Variants in XDH observed in about 807,000 individuals in gnomAD.
XDH encodes xanthine dehydrogenase/oxidase.
XDH carries 138 observed loss-of-function variants against 156.1 expected under a neutral mutation model. That is an observed-to-expected ratio of 0.88 (90% CI 0.77 to 1.02). XDH has a LOEUF of 1.02. XDH is among the 50% of genes least tolerant of loss of function. XDH has a pLI of 0.00. For missense variants in XDH, 1,849 were observed against 1,684.9 expected (o/e 1.10, Z -1.71); for synonymous variants, 669 against 625.7 (o/e 1.07, Z -1.03).
In XDH at chr2:31,334,604, CAGTA is replaced by C; in HGVS notation, c.*1350_*1353del. On this transcript the variant is annotated 3_prime_UTR_variant, in exon 36 of 36. Coordinates refer to ENST00000379416, the MANE Select transcript of XDH (RefSeq NM_000379.4). The stretch of plus-strand genomic sequence containing the variant: ...TTCATTAGACCCAGGTATCATATGA[CAGTA>C]AGAAAACCAAGCCTTAGATAGCTGC... 1 of 152,100 alleles carries C rather than the reference CAGTA, an allele frequency of 6.6e-6. No individual in the cohort carries two copies. The highest frequency in any genetic ancestry group is 1.5e-5 in the Non-Finnish European group (1 of 68,032). 9.4% of individuals were successfully genotyped at this position (152,100 alleles called of 1,614,324 possible). A position where few individuals can be genotyped will look rare whatever the true frequency, so the allele number is the denominator to read the frequency against.
chr2:31,375,619 T>C lies in XDH; in HGVS notation c.1428-65A>G, dbSNP rs2070294. ...CCCTCCAGACCCCTTTGTGTAGAGC[T>C]GTGTGCCCAGGGCCTCGGAGCTGTA... On this transcript the variant is annotated intron_variant, in intron 14 of 35. Coordinates refer to ENST00000379416, the MANE Select transcript of XDH (RefSeq NM_000379.4). 499,223 of 1,564,502 alleles carry C rather than the reference T, an allele frequency of 0.32. 83,960 individuals carry two copies. The highest frequency in any genetic ancestry group is 0.49 in the Admixed American group (26,571 of 54,072).
In XDH at chr2:31,350,480, A is replaced by G. The variant is rs11680208; in HGVS notation, c.2632-257T>C. Among the ~76,000 whole-genome samples, 112,598 of 150,490 alleles carry G rather than the reference A, an allele frequency of 0.75. 42,184 individuals carry two copies. The highest frequency in any genetic ancestry group is 0.85 in the East Asian group (4,289 of 5,054). ...CAAACTCCTACTCCCTGGTTCAAGC[A>G]ATTCTCCTGCCTCAGCCTCCTGAGT... On this transcript the variant is annotated intron_variant, in intron 24 of 35. Coordinates refer to ENST00000379416, the MANE Select transcript of XDH (RefSeq NM_000379.4).
At chr2:31,383,174 CA>C in intron 10 of XDH, 22 bp from the exon 11 acceptor site, 2 of 1,614,144 alleles carry the variant, frequency 1.2e-6, no homozygotes, top group Non-Finnish European at 1.7e-6. Flanking sequence ...CGTTCGGAAT[CA>C]CAGCAATTCT....
chr2:31,344,660 G>A (rs1450548776), intron 31 of XDH, 24 bp downstream of exon 31: 1 of 1,613,902 alleles, frequency 6.2e-7, no homozygotes, highest in East Asian at 2.2e-5. Flanking sequence ...ACTATGAGCT[G>A]GGCAAGGACA....
intron 24 of XDH, among the ~76,000 whole-genome samples, chr2:31,363,428 C>T (rs986926050): frequency 2.6e-5 from 4 of 152,190 alleles, no homozygotes; most frequent in Admixed American, 6.5e-5. Context: ...GACTACAAGA[C>T]GGAAAGTAGA....
chr2:31,347,122 T>A (rs1436933809), intron 29 of XDH, among the ~76,000 whole-genome samples: 2 of 152,138 alleles, frequency 1.3e-5, no homozygotes, highest in African/African-American at 2.4e-5. Context: ...CAGAGAGGTG[T>A]CTTCTTCCCT....
chr2:31,351,852 T>C lies in XDH; in HGVS notation c.2632-1629A>G, dbSNP rs190515625. ...ACTAGTACATTCTAGCTTCCTGCTATTGAGAAGTCCAATCAATGCCTTTCC... is the reference window on the plus strand; with the variant it reads ...ACTAGTACATTCTAGCTTCCTGCTACTGAGAAGTCCAATCAATGCCTTTCC... On this transcript the variant is annotated intron_variant, in intron 24 of 35. Coordinates refer to ENST00000379416, the MANE Select transcript of XDH (RefSeq NM_000379.4). Among the ~76,000 whole-genome samples the C allele has an allele frequency of 2.3e-3, 354 of 152,382 alleles. 11 individuals are homozygous for C. Among genetic ancestry groups the C allele is most frequent in the Non-Finnish European group, 4.3e-4 (29 of 68,032 alleles).
chr2:31,349,654 A>G, intron 26 of XDH, 32 bp downstream of exon 26: 1 of 1,614,032 alleles, frequency 6.2e-7, no homozygotes, highest in Non-Finnish European at 8.5e-7. Flanking sequence ...GAAACCCAGA[A>G]GAGCAACTGG....
At chr2:31,409,343 A>G (rs1687280578) in intron 1 of XDH, among the ~76,000 whole-genome samples, 1 of 152,194 alleles carries the variant, frequency 6.6e-6, no homozygotes, top group Non-Finnish European at 1.5e-5. Context: ...TGAATACCAC[A>G]TTTTCTATCA....
intron 24 of XDH, among the ~76,000 whole-genome samples, chr2:31,363,105 A>C (rs45501295): frequency 6.6e-6 from 1 of 152,020 alleles, no homozygotes; most frequent in African/African-American, 2.4e-5. Flanking sequence ...TGAAGTCAGG[A>C]GTTCGAGACC....
chr2:31,341,396 T>C lies in XDH; in HGVS notation c.3520-2A>G, dbSNP rs779914939. The C allele has an allele frequency of 1.5e-5, 23 of 1,573,990 alleles. No homozygotes were observed. The highest frequency in any genetic ancestry group is 1.9e-5 in the Non-Finnish European group (22 of 1,156,844). The stretch of plus-strand genomic sequence containing the variant: ...CATGACAATATCTGTGCGGAGGTTC[T>C]AGAGTAGACAGCAAAATTACAAGAA... On this transcript the variant is annotated splice_acceptor_variant, in intron 32 of 35. Coordinates refer to ENST00000379416, the MANE Select transcript of XDH (RefSeq NM_000379.4). LOFTEE classifies it high-confidence loss of function.
At chr2:31,387,710 A>C in intron 8 of XDH, 101 bp downstream of exon 8, 1 of 1,140,946 alleles carries the variant, frequency 8.8e-7, no homozygotes, top group South Asian at 1.4e-5. Flanking sequence ...AACATAAAGG[A>C]CAAGAAAGAC....
At chr2:31,400,700 C>T (rs1460144124) in intron 4 of XDH, among the ~76,000 whole-genome samples, 2 of 152,218 alleles carry the variant, frequency 1.3e-5, no homozygotes, top group Non-Finnish European at 2.9e-5. Context: ...AAATCTCTGT[C>T]ATCTTATTTA....
At chr2:31,380,171 G>A (rs915028294) in intron 12 of XDH, among the ~76,000 whole-genome samples, 195 bp from the exon 13 acceptor site, 3 of 152,226 alleles carry the variant, frequency 2.0e-5, no homozygotes. Context: ...GTGTGCTGGT[G>A]AATCTTTAAC....
chr2:31,376,735 G>A (rs182022498), intron 14 of XDH, among the ~76,000 whole-genome samples: 1 of 149,504 alleles, frequency 6.7e-6, no homozygotes, highest in Non-Finnish European at 1.5e-5. Flanking sequence ...TTTAGTAGAA[G>A]CAGCTGGAGT....
At chr2:31,346,211 G>A (rs554877855) in intron 30 of XDH, among the ~76,000 whole-genome samples, 104 of 152,312 alleles carry the variant, frequency 6.8e-4, no homozygotes, top group Non-Finnish European at 3.5e-4. Flanking sequence ...CCTTCCCTCT[G>A]AGATTTCTGA....
At chr2:31,382,263 A>T (rs933180605) in intron 11 of XDH, among the ~76,000 whole-genome samples, 2 of 152,140 alleles carry the variant, frequency 1.3e-5, no homozygotes, top group Admixed American at 6.5e-5. Flanking sequence ...AGAACTAGGG[A>T]ACTCAGCAGA....
rs1238820618 is a variant in XDH at position 31,366,969 on chromosome 2, C to T, written c.2223G>A (p.Glu741=). The change falls in exon 21 of 36, where the codon GAG becomes GAA. Residue 741 remains glutamate, a synonymous_variant. Coordinates refer to ENST00000379416, the MANE Select transcript of XDH (RefSeq NM_000379.4). Reference sequence around the variant, plus strand: ...TGCAGTGAGTCTCCAGGTAGAAGTGCTCTTGGCCACCGATGTATATCTCCC... The same window carrying T: ...TGCAGTGAGTCTCCAGGTAGAAGTGTTCTTGGCCACCGATGTATATCTCCC... ...VSGEIYIGGQ[E]HFYLETHCTI... 6 of 1,614,106 alleles carry T rather than the reference C, an allele frequency of 3.7e-6. No homozygotes were observed. The highest frequency in any genetic ancestry group is 1.6e-4 in the Middle Eastern group (1 of 6,062).
intron 1 of XDH, among the ~76,000 whole-genome samples, chr2:31,411,127 CA>C (rs1448188252): frequency 6.6e-6 from 1 of 151,624 alleles, no homozygotes; most frequent in African/African-American, 2.4e-5. Flanking sequence ...ACTAAAAATA[CA>C]AAAACTTAGC....
Sources: allele counts gnomAD v4.1 joint callset (sites outside exome capture counted in the v4.1 genomes callset), GRCh38; gene constraint gnomAD v4.1.1; transcripts MANE v1.5; gene names NCBI Gene and HGNC (gene_info 2026-07-23, HGNC 2026-07-21).